The following CACNA1E variants were observed in gnomAD, a reference collection of about 807,000 sequenced individuals.
CACNA1E encodes the protein calcium voltage-gated channel subunit alpha1 E, also known as voltage-dependent R-type calcium channel subunit alpha-1E.
A neutral mutation model predicts 259.2 loss-of-function variants in CACNA1E; 40 were observed. The observed-to-expected ratio is 0.15, with a 90% CI of 0.12 to 0.20. The LOEUF (loss-of-function observed/expected upper bound fraction) is 0.20, where lower values mean the gene tolerates loss of function less well. CACNA1E is among the 10% of genes least tolerant of loss of function. The pLI, the probability that CACNA1E is intolerant of heterozygous loss-of-function variation, is 1.00. For missense variants in CACNA1E, 1,874 were observed against 3,040.1 expected, an observed-to-expected ratio of 0.62 and a Z score of 9.02; for synonymous variants, 1,104 against 1,138.5, an observed-to-expected ratio of 0.97 and a Z score of 0.61.
chr1:181,633,881 G>A (rs1656972222), intron 6 of CACNA1E, among the ~76,000 whole-genome samples: 1 of 152,218 alleles, frequency 6.6e-6, no homozygotes, highest in Non-Finnish European at 1.5e-5. Flanking sequence ...CTAAAGCATG[G>A]AGAGGTTAAG....
chr1:181,436,051 G>A (rs1660064553), intron 2 of CACNA1E, among the ~76,000 whole-genome samples: 1 of 152,170 alleles, frequency 6.6e-6, no homozygotes, highest in Admixed American at 6.5e-5. Flanking sequence ...TTAAAAAATG[G>A]GCAGGGGACC....
intron 6 of CACNA1E, among the ~76,000 whole-genome samples, chr1:181,641,815 GCGAT>G (rs1657806674): frequency 7.1e-6 from 1 of 141,418 alleles, no homozygotes; most frequent in Admixed American, 7.6e-5. Flanking sequence ...CTGGGTTCAA[GCGAT>G]TCTTCTGCCT....
At position 181,807,152 on chromosome 1, in the gene CACNA1E, A is replaced by T. The variant is rs1662687810; in HGVS notation, c.*8318A>T. On this transcript the variant is annotated 3_prime_UTR_variant, in exon 48 of 48. Transcript: ENST00000367573. ...CTTAAAAAAAAAAAAAAGGAATAAA[A>T]ATGTTCTCTGCCTTGGATAACATTT... is the stretch of plus-strand genomic sequence containing the variant. The T allele has an allele frequency of 6.6e-6, 1 of 151,976 alleles. No individual in the cohort carries two copies. The highest frequency in any genetic ancestry group is 2.4e-5 in the African/African-American group (1 of 41,366). 9.4% of individuals were successfully genotyped at this position (151,976 alleles called of 1,614,324 possible).
At chr1:181,338,960 A>T (rs1441716817) in intron 1 of CACNA1E, among the ~76,000 whole-genome samples, 1 of 152,076 alleles carries the variant, frequency 6.6e-6, no homozygotes, top group African/African-American at 2.4e-5. Flanking sequence ...CTTGTCAAAA[A>T]TTAGTTGACT....
rs143398044 is a variant in CACNA1E at position 181,682,430 on chromosome 1, C to T, written c.1056-28524C>T. Among the ~76,000 whole-genome samples the T allele has an allele frequency of 5.4e-4, 82 of 152,242 alleles. 1 individual carries two copies. The East Asian group carries it at 0.014, about 26-fold the overall frequency. On this transcript the variant is annotated intron_variant, in intron 7 of 47. Transcript: ENST00000367573. ...AGGACCAAGAAGGGTGAGACATTCC[C>T]GCCAAGCTGGTTGCTGGCATCTCAG...
At chr1:181,636,399 A>T (rs941964557) in intron 6 of CACNA1E, among the ~76,000 whole-genome samples, 1 of 152,236 alleles carries the variant, frequency 6.6e-6, no homozygotes, top group Non-Finnish European at 1.5e-5. Flanking sequence ...GTCAAAACAT[A>T]TATAGTAATT....
intron 6 of CACNA1E, among the ~76,000 whole-genome samples, chr1:181,605,374 T>C (rs1206050269): frequency 6.6e-6 from 1 of 152,206 alleles, no homozygotes; most frequent in African/African-American, 2.4e-5. Context: ...GTGCATTGTC[T>C]TCCAGGTGCT....
chr1:181,435,985 A>G (rs1440864388), intron 2 of CACNA1E, among the ~76,000 whole-genome samples: 2 of 152,268 alleles, frequency 1.3e-5, no homozygotes, highest in Non-Finnish European at 2.9e-5. Flanking sequence ...AGGAGTTAAT[A>G]TTAAAAAGAT....
At chr1:181,710,289 G>A (rs577608692) in intron 7 of CACNA1E, among the ~76,000 whole-genome samples, 4 of 148,832 alleles carry the variant, frequency 2.7e-5, no homozygotes, top group Admixed American at 1.4e-4. Flanking sequence ...AGTCACCTTC[G>A]AATAGCATTT....
upstream of CACNA1E, among the ~76,000 whole-genome samples, chr1:181,482,057 G>C (rs902154504): frequency 6.6e-6 from 1 of 152,232 alleles, no homozygotes; most frequent in Non-Finnish European, 1.5e-5. Flanking sequence ...CCCGCCAGGA[G>C]CCAGCACCAC....
rs767211747 is a variant in CACNA1E at position 181,577,796 on chromosome 1, T to C, written c.543T>C (p.Asn181=). 6.2e-7 allele frequency: 1 copy of C among 1,610,890 alleles called. No homozygotes were observed. The highest frequency in any genetic ancestry group is 8.5e-7 in the Non-Finnish European group (1 of 1,178,566). The change falls in exon 4 of 48, where the codon AAT becomes AAC. Residue 181 remains asparagine, a synonymous_variant. Coordinates refer to ENST00000367573, the MANE Select transcript of CACNA1E (RefSeq NM_001205293.3). ...GILATAGTHF[N]THVDLRTLRA... is the part of the protein sequence containing the mutation. Reference sequence around the variant, plus strand: ...TGGCCACTGCAGGAACCCACTTCAATACTCACGTGGACCTGAGGACCCTCC... The same window carrying C: ...TGGCCACTGCAGGAACCCACTTCAACACTCACGTGGACCTGAGGACCCTCC...
At chr1:181,349,559 G>A (rs1652870277) in intron 1 of CACNA1E, among the ~76,000 whole-genome samples, 1 of 152,212 alleles carries the variant, frequency 6.6e-6, no homozygotes, top group Admixed American at 6.5e-5. Context: ...AAGGTGAAAT[G>A]AGAGAGACAG....
rs1313663929 is a variant in CACNA1E at position 181,803,757 on chromosome 1, G to A, written c.*4923G>A. The A allele has an allele frequency of 6.6e-6, 1 of 152,070 alleles. No homozygotes were observed. The highest frequency in any genetic ancestry group is 2.4e-5 in the African/African-American group (1 of 41,394). 9.4% of individuals were successfully genotyped at this position (152,070 alleles called of 1,614,324 possible). A position where few individuals can be genotyped will look rare whatever the true frequency, so the allele number is the denominator to read the frequency against. On this transcript the variant is annotated 3_prime_UTR_variant, in exon 48 of 48. Coordinates refer to ENST00000367573, the MANE Select transcript of CACNA1E (RefSeq NM_001205293.3). Reference sequence around the variant, plus strand: ...ATCCTTTCTGCTTTAAACTTCTGAGGTTTATGCATCCCAGAGAGGTCACAC... The same window carrying A: ...ATCCTTTCTGCTTTAAACTTCTGAGATTTATGCATCCCAGAGAGGTCACAC...
chr1:181,510,695 G>C, intron 2 of CACNA1E, 113 bp downstream of exon 2: 2 of 708,140 alleles, frequency 2.8e-6, no homozygotes, highest in South Asian at 3.3e-5. Context: ...GGAGGAGTTT[G>C]CTCTTTGCTG....
Position 181,798,634 on chromosome 1 carries a change from G to A in CACNA1E, c.6742G>A (p.Glu2248Lys). 1 of 1,611,294 alleles carries A rather than the reference G, an allele frequency of 6.2e-7. No individual in the cohort carries two copies. The highest frequency in any genetic ancestry group is 8.5e-7 in the Non-Finnish European group (1 of 1,178,208). Residue 2248 changes from glutamate to lysine, a missense_variant, in exon 48 of 48, where the codon GAG becomes AAG. Glu to Lys is a moderately conservative substitution (Grantham distance 56). This residue lies in a region of CACNA1E where 542 missense variants were observed against 587.2 expected (regional missense o/e 0.92). Transcript: ENST00000367573. The surrounding 1 kb of genome is among the most constrained non-coding windows in gnomAD (Gnocchi z 4.2). ...DSHASDCGEE[E>K]TLTFEAAVAT... is the part of the protein sequence containing the mutation. ...CCACGCCTCAGACTGTGGTGAGGAG[G>A]AGACGCTCACTTTCGAAGCAGCCGT...
chr1:181,551,367 G>C (rs912274367), intron 3 of CACNA1E, among the ~76,000 whole-genome samples: 1 of 152,172 alleles, frequency 6.6e-6, no homozygotes, highest in Admixed American at 6.5e-5. Flanking sequence ...GGTGGTTGGT[G>C]GGGTGGTGAT....
intron 7 of CACNA1E, among the ~76,000 whole-genome samples, chr1:181,679,920 T>C (rs946965904): frequency 3.3e-5 from 5 of 151,932 alleles, no homozygotes; most frequent in Non-Finnish European, 5.9e-5. Context: ...CTGGGCAACA[T>C]TGTGGAACCT....
chr1:181,450,597 G>A (rs988621776), intron 2 of CACNA1E, among the ~76,000 whole-genome samples: 22 of 152,164 alleles, frequency 1.4e-4, no homozygotes, highest in Admixed American at 9.2e-4. Flanking sequence ...GGTTTTTAGA[G>A]CGCAGTAATA....
chr1:181,789,660 A>G (rs1661126543), intron 43 of CACNA1E, among the ~76,000 whole-genome samples: 1 of 152,232 alleles, frequency 6.6e-6, no homozygotes, highest in Admixed American at 6.5e-5. Context: ...ATTCTCCAGA[A>G]AGCTTGGCTG....
Sources: gnomAD v4.1 joint callset for allele counts (sites outside exome capture counted in the v4.1 genomes callset) on GRCh38, gnomAD v4.1.1 for gene constraint, gnomAD v4.1.1 regional missense constraint, Gnocchi (gnomAD v3.1) non-coding constraint, MANE v1.5 for transcripts, NCBI Gene and HGNC (gene_info 2026-07-23, HGNC 2026-07-21) for gene names.